Variants in MMP25 observed in about 807,000 individuals in gnomAD.
MMP25 encodes matrix metalloproteinase-25.
In MMP25, 68 loss-of-function variants were observed where a neutral mutation model predicts 62.1. That is an observed-to-expected ratio of 1.10 (90% CI 0.90 to 1.34). The LOEUF is 1.34. MMP25 is among the 40% of genes most tolerant of loss of function. The pLI, the probability that MMP25 is intolerant of heterozygous loss-of-function variation, is 0.00. For synonymous variants in MMP25, 407 were observed against 345.6 expected, an observed-to-expected ratio of 1.18 and a Z score of -1.97; for missense variants, 942 against 792.5, an observed-to-expected ratio of 1.19 and a Z score of -2.26.
At chr16:3,055,283 G>A (rs1955986586) in intron 4 of MMP25, among the ~76,000 whole-genome samples, 1 of 152,138 alleles carries the variant, frequency 6.6e-6, no homozygotes, top group African/African-American at 2.4e-5. Flanking sequence ...GGTGCAGGAA[G>A]GGGTGCAGGG....
intron 6 of MMP25, 31 bp from the exon 7 acceptor site, chr16:3,057,500 C>T (rs763259703): frequency 1.2e-6 from 2 of 1,606,876 alleles, no homozygotes; most frequent in Non-Finnish European, 1.7e-6. Flanking sequence ...AACAAACCCC[C>T]CTCTCTACTC....
chr16:3,050,860 C>G (rs1380349002), intron 4 of MMP25, among the ~76,000 whole-genome samples: 1 of 152,150 alleles, frequency 6.6e-6, no homozygotes, highest in Non-Finnish European at 1.5e-5. Flanking sequence ...TGCACGATCA[C>G]GGCTCACTGC....
chr16:3,046,686 C>T lies in MMP25; in HGVS notation c.-232C>T. ...CGCCCTCTCAACCATCCTGGGATTC[C>T]CGGGCCCACCCGACCCAGCGGCGCG... On this transcript the variant is annotated 5_prime_UTR_variant, in exon 1 of 10. Transcript: ENST00000336577. 1 of 383,804 alleles carries T rather than the reference C, an allele frequency of 2.6e-6. No homozygotes were observed. The highest frequency in any genetic ancestry group is 4.6e-6 in the Non-Finnish European group (1 of 216,282). The allele number at this position is 383,804 out of a possible 1,614,324, so 23.8% of individuals were successfully genotyped here.
chr16:3,059,574 C>A lies in MMP25; in HGVS notation c.*476C>A. On this transcript the variant is annotated 3_prime_UTR_variant, in exon 10 of 10. Coordinates refer to ENST00000336577, the MANE Select transcript of MMP25 (RefSeq NM_022468.5). ...TTTCTCGGAGCGCAGTCCTGGGACT[C>A]TCCGCAGCCCCGCCCCGCCTGGCCA... The A allele has an allele frequency of 6.5e-6, 1 of 154,432 alleles. No homozygotes were observed. The highest frequency in any genetic ancestry group is 1.4e-5 in the Non-Finnish European group (1 of 69,614). The allele number at this position is 154,432 out of a possible 1,614,324, so 9.6% of individuals were successfully genotyped here.
In MMP25 at chr16:3,048,860, C is replaced by G. The variant is rs140334556; in HGVS notation, c.233-1149C>G. Among the ~76,000 whole-genome samples the G allele has an allele frequency of 6.8e-3, 1,017 of 149,280 alleles. 8 individuals carry two copies. Among genetic ancestry groups the G allele is most frequent in the African/African-American group, 0.024 (964 of 40,270 alleles). ...TCACTCTGTGGCCCAGGCTGCAGTA[C>G]AGTGGCGCAATCTCGGCTCATTGCA... On this transcript the variant is annotated intron_variant, in intron 2 of 9. Transcript: ENST00000336577.
Position 3,058,319 on chromosome 16 carries a change from T to G in MMP25, c.1145T>G (p.Ile382Ser). 6.3e-7 allele frequency: 1 copy of G among 1,594,714 alleles called. No individual in the cohort carries two copies. Among genetic ancestry groups the G allele is most frequent in the Non-Finnish European group, 8.5e-7 (1 of 1,172,540 alleles). ...TATGCTCGGCACCGAGACGGCCGAA[T>G]CCTCCTCTTTAGCGGTGAGTGGGGC... ...AAYARHRDGR[I>S]LLFSGPQFWV... The change falls in exon 8 of 10, where the codon ATC becomes AGC. Residue 382 changes from isoleucine (I) to serine (S), a missense_variant. Physicochemically the swap from Ile to Ser is moderately radical, Grantham distance 142. Coordinates refer to ENST00000336577, the MANE Select transcript of MMP25 (RefSeq NM_022468.5).
In MMP25 at chr16:3,058,838, T is replaced by C. The variant is rs754837029; in HGVS notation, c.1429T>C (p.Phe477Leu). 14 of 1,521,180 alleles carry C rather than the reference T, an allele frequency of 9.2e-6. No homozygotes were observed. Among genetic ancestry groups the C allele is most frequent in the Non-Finnish European group, 1.1e-5 (12 of 1,131,432 alleles). The allele number at this position is 1,521,180 out of a possible 1,614,324, so 94.2% of individuals were successfully genotyped here. A position where few individuals can be genotyped will look rare whatever the true frequency, so the allele number is the denominator to read the frequency against. ...VTVSNAGDTYFFKGAHYWRFP... is the reference protein window; with the variant it reads ...VTVSNAGDTYLFKGAHYWRFP... ...CTCTGCTCCTCCAGGTGACACCTAC[T>C]TCTTCAAGGGCGCCCACTACTGGCG... The change falls in exon 10 of 10, where the codon TTC becomes CTC. Residue 477 changes from phenylalanine to leucine, a missense_variant. By Grantham distance (22) the Phe-to-Leu change is conservative (BLOSUM62 0). Coordinates refer to ENST00000336577, the MANE Select transcript of MMP25 (RefSeq NM_022468.5).
intron 2 of MMP25, 21 bp from the exon 3 acceptor site, chr16:3,049,988 A>G (rs1567431298): frequency 1.9e-6 from 3 of 1,606,388 alleles, no homozygotes; most frequent in Non-Finnish European, 2.5e-6. Flanking sequence ...CACACCCCCC[A>G]CCGCCAAATG....
intron 5 of MMP25, 44 bp downstream of exon 5, chr16:3,057,253 C>T: frequency 1.2e-6 from 2 of 1,613,988 alleles, no homozygotes; most frequent in Non-Finnish European, 8.5e-7. Context: ...TTGCCCCATC[C>T]AGTGTCCTCT....
Position 3,052,418 on chromosome 16 carries a change from A to T in MMP25, c.661+1872A>T, listed in dbSNP as rs1281592621. On this transcript the variant is annotated intron_variant, in intron 4 of 9. Coordinates refer to ENST00000336577, the MANE Select transcript of MMP25 (RefSeq NM_022468.5). ...TGTGGAAGACTTTGATCAATGGGGG[A>T]ATCATTAAGGGGTTTTGCATTCCGG... 7 of 152,198 alleles carry T rather than the reference A, an allele frequency of 4.6e-5. No homozygotes were observed. In the South Asian group the frequency reaches 8.3e-4, roughly 18 times the overall value. The allele number at this position is 152,198 out of a possible 1,614,324, so 9.4% of individuals were successfully genotyped here.
At chr16:3,055,728 G>C (rs887505822) in intron 4 of MMP25, 3 of 428,632 alleles carry the variant, frequency 7.0e-6, no homozygotes, top group Non-Finnish European at 1.4e-5. Flanking sequence ...GCCCTGAACA[G>C]TGCTGACCTT....
chr16:3,056,797 G>T, intron 4 of MMP25: 1 of 483,148 alleles, frequency 2.1e-6, no homozygotes, highest in South Asian at 3.4e-5. Flanking sequence ...CTATTCCTCT[G>T]TGTGTTCTCT....
intron 6 of MMP25, 59 bp downstream of exon 6, chr16:3,057,453 C>G (rs1362387830): frequency 1.9e-6 from 3 of 1,598,162 alleles, no homozygotes; most frequent in Non-Finnish European, 2.6e-6. Context: ...TCAGTGTCCT[C>G]TGAGATGGGG....
intron 8 of MMP25, 37 bp from the exon 9 acceptor site, chr16:3,058,375 G>A (rs1189913699): frequency 8.0e-6 from 12 of 1,498,014 alleles, no homozygotes; most frequent in Admixed American, 2.3e-5. Flanking sequence ...GCCGGCGCGG[G>A]GAGCCCACCC....
At chr16:3,057,868 AT>A in intron 7 of MMP25, 1 of 581,532 alleles carries the variant, frequency 1.7e-6, no homozygotes, top group Non-Finnish European at 3.0e-6. Context: ...CTTGCTAGTA[AT>A]TTATTTTATT....
At chr16:3,058,721 A>G in intron 9 of MMP25, 52 bp downstream of exon 9, 1 of 1,410,370 alleles carries the variant, frequency 7.1e-7, no homozygotes, top group Non-Finnish European at 9.4e-7. Flanking sequence ...GGGGAGAGGG[A>G]TGTGGGGAAT....
intron 4 of MMP25, chr16:3,055,979 C>T (rs751115790): frequency 7.1e-5 from 32 of 453,378 alleles, no homozygotes; most frequent in African/African-American, 4.2e-4. Context: ...GGAGCAAGGC[C>T]GGGTGCTGGG....
chr16:3,048,502 C>T (rs1458501264), intron 2 of MMP25, among the ~76,000 whole-genome samples: 1 of 152,058 alleles, frequency 6.6e-6, no homozygotes, highest in Admixed American at 6.6e-5. Flanking sequence ...AAATAAAATG[C>T]TATTGGCATT....
At position 3,049,886 on chromosome 16, in the gene MMP25, C is replaced by T. The variant is rs916358039; in HGVS notation, c.233-123C>T. On this transcript the variant is annotated intron_variant, in intron 2 of 9. Coordinates refer to ENST00000336577, the MANE Select transcript of MMP25 (RefSeq NM_022468.5). ...GTTCAAACCTGGGCTGTGGGGCCTT[C>T]GAGGGCACATTTCTTGAGCCCTCTG... is the stretch of plus-strand genomic sequence containing the variant. The T allele has an allele frequency of 8.6e-5, 124 of 1,437,916 alleles. 1 individual carries two copies. In the Middle Eastern group the frequency reaches 1.2e-3, roughly 14 times the overall value. 89.1% of individuals were successfully genotyped at this position (1,437,916 alleles called of 1,614,324 possible). A position where few individuals can be genotyped will look rare whatever the true frequency, so the allele number is the denominator to read the frequency against.
Sources: allele counts gnomAD v4.1 joint callset (sites outside exome capture counted in the v4.1 genomes callset), GRCh38; gene constraint gnomAD v4.1.1; transcripts MANE v1.5; gene names NCBI Gene and HGNC (gene_info 2026-07-23, HGNC 2026-07-21).